CACNG4: variants seen among roughly 807,000 people sequenced by gnomAD.
CACNG4 encodes voltage-dependent calcium channel gamma-4 subunit.
CACNG4 carries 8 observed loss-of-function variants against 22.9 expected under a neutral mutation model. That is an observed-to-expected ratio of 0.35 (90% CI 0.21 to 0.63). The LOEUF is 0.63. Ranked by LOEUF, CACNG4 falls within the 30% of genes least tolerant of loss-of-function variation. The probability of loss-of-function intolerance (pLI) is 0.72; values close to 1 mark genes in which losing one functional copy is unlikely to be tolerated. For missense variants in CACNG4, 357 were observed against 455.4 expected (o/e 0.78, Z 1.97); for synonymous variants, 188 against 191.9 (o/e 0.98, Z 0.17).
intron 1 of CACNG4, among the ~76,000 whole-genome samples, chr17:67,001,967 A>G (rs1181488620): frequency 6.6e-6 from 1 of 152,216 alleles, no homozygotes; most frequent in Non-Finnish European, 1.5e-5. Context: ...GCGGCTCCTC[A>G]CCAAGTGACC....
intron 1 of CACNG4, among the ~76,000 whole-genome samples, chr17:67,012,678 G>A (rs1034865770): frequency 6.6e-6 from 1 of 152,318 alleles, no homozygotes; most frequent in African/African-American, 2.4e-5. Context: ...GTGCGCGAGT[G>A]CAGAGTCGTT....
At chr17:67,009,052 T>C (rs1190364581) in intron 1 of CACNG4, among the ~76,000 whole-genome samples, 2 of 151,956 alleles carry the variant, frequency 1.3e-5, no homozygotes, top group Non-Finnish European at 2.9e-5. Flanking sequence ...ACAGAGAGAA[T>C]ATGATATGAA....
intron 1 of CACNG4, among the ~76,000 whole-genome samples, chr17:66,982,146 G>A (rs372497419): frequency 2.0e-5 from 3 of 152,336 alleles, no homozygotes; most frequent in East Asian, 1.9e-4. Context: ...TTACTGTGAA[G>A]AGTGAAAGAA....
chr17:67,020,195 C>T (rs1222956807), intron 2 of CACNG4: 1 of 152,362 alleles, frequency 6.6e-6, no homozygotes, highest in Non-Finnish European at 1.5e-5. Context: ...CGAGACCCTT[C>T]TCCAAAAGCC....
chr17:67,029,558 C>G (rs35666945), intron 3 of CACNG4, among the ~76,000 whole-genome samples: 1 of 151,390 alleles, frequency 6.6e-6, no homozygotes, highest in East Asian at 2.0e-4. Context: ...TGCTTGAACC[C>G]GGGAGGCGGA....
chr17:66,992,871 C>A (rs2035349644), intron 1 of CACNG4, among the ~76,000 whole-genome samples: 1 of 152,234 alleles, frequency 6.6e-6, no homozygotes, highest in Non-Finnish European at 1.5e-5. Flanking sequence ...CTTCAGGACC[C>A]AACAGAATCT....
At chr17:66,990,507 A>G (rs1441984978) in intron 1 of CACNG4, among the ~76,000 whole-genome samples, 1 of 152,264 alleles carries the variant, frequency 6.6e-6, no homozygotes, top group African/African-American at 2.4e-5. Context: ...AACTCTGCCT[A>G]CCACAGATGG....
Position 67,032,117 on chromosome 17 carries a change from T to C in CACNG4, c.*1113T>C, listed in dbSNP as rs1379470864. On this transcript the variant is annotated 3_prime_UTR_variant, in exon 4 of 4. Transcript: ENST00000262138. The stretch of plus-strand genomic sequence containing the variant: ...GCAACTGGCCCCACAACTCCTGTCA[T>C]TGTAAGTTATTCTGCCACCACCTAA... 7.6e-6 allele frequency: 3 copies of C among 396,378 alleles called. No individual in the cohort carries two copies. Among genetic ancestry groups the C allele is most frequent in the Non-Finnish European group, 1.5e-5 (3 of 200,042 alleles). The allele number at this position is 396,378 out of a possible 1,614,324, so 24.6% of individuals were successfully genotyped here.
chr17:66,993,920 A>G (rs2035357417), intron 1 of CACNG4, among the ~76,000 whole-genome samples: 1 of 152,194 alleles, frequency 6.6e-6, no homozygotes, highest in Non-Finnish European at 1.5e-5. Flanking sequence ...CACCCGGCCA[A>G]TGAGATTCTT....
At position 67,032,046 on chromosome 17, in the gene CACNG4, G is replaced by C. The variant is rs1026988632; in HGVS notation, c.*1042G>C. 2 of 445,836 alleles carry C rather than the reference G, an allele frequency of 4.5e-6. No homozygotes were observed. Among genetic ancestry groups the C allele is most frequent in the South Asian group, 3.2e-5 (2 of 62,268 alleles). 27.6% of individuals were successfully genotyped at this position (445,836 alleles called of 1,614,324 possible). On this transcript the variant is annotated 3_prime_UTR_variant, in exon 4 of 4. Coordinates refer to ENST00000262138, the MANE Select transcript of CACNG4 (RefSeq NM_014405.4). ...AAATCATAACTTCCTGCAAATCAACGCCAGGAGAGCAACTTACCTTCATTT... is the reference window on the plus strand; with the variant it reads ...AAATCATAACTTCCTGCAAATCAACCCCAGGAGAGCAACTTACCTTCATTT...
At chr17:67,013,540 C>A (rs2035479562) in intron 1 of CACNG4, among the ~76,000 whole-genome samples, 1 of 152,120 alleles carries the variant, frequency 6.6e-6, no homozygotes, top group Non-Finnish European at 1.5e-5. Flanking sequence ...TGTGATGGCT[C>A]ACACCCGTAA....
At chr17:67,008,145 C>T (rs1230662069) in intron 1 of CACNG4, among the ~76,000 whole-genome samples, 2 of 152,198 alleles carry the variant, frequency 1.3e-5, no homozygotes, top group Non-Finnish European at 2.9e-5. Flanking sequence ...AATGTAAGTT[C>T]AATGAAGGAA....
Position 66,973,474 on chromosome 17 carries a change from A to T in CACNG4, c.220+8343A>T, listed in dbSNP as rs569173716. 3.9e-5 allele frequency among the ~76,000 whole-genome samples: 6 copies of T among 152,340 alleles called. No individual in the cohort carries two copies. In the East Asian group the frequency reaches 9.6e-4, roughly 24 times the overall value. ...ACAGGTGAGGCAGAGTGACTTACGCAAGGTGGCATGGCTCAGGAGCAGAAA... is the reference window on the plus strand; with the variant it reads ...ACAGGTGAGGCAGAGTGACTTACGCTAGGTGGCATGGCTCAGGAGCAGAAA... On this transcript the variant is annotated intron_variant, in intron 1 of 3. Transcript: ENST00000262138.
chr17:66,969,421 G>T (rs1198075020), intron 1 of CACNG4, among the ~76,000 whole-genome samples: 1 of 152,222 alleles, frequency 6.6e-6, no homozygotes, highest in Non-Finnish European at 1.5e-5. Context: ...CAGACTTGAT[G>T]CCAGGGGTGG....
rs186084632 is a variant in CACNG4 at position 66,989,792 on chromosome 17, C to A, written c.220+24661C>A. On this transcript the variant is annotated intron_variant, in intron 1 of 3. Coordinates refer to ENST00000262138, the MANE Select transcript of CACNG4 (RefSeq NM_014405.4). ...ACATGTATGTGTCACCTCCCTGAAC[C>A]GCCCACCAACCTCCCAATGTGGGTA... is the stretch of plus-strand genomic sequence containing the variant. Among the ~76,000 whole-genome samples, 430 of 151,364 alleles carry A rather than the reference C, an allele frequency of 2.8e-3. 19 individuals carry two copies. The highest frequency in any genetic ancestry group is 9.9e-3 in the African/African-American group (406 of 40,842).
At chr17:67,009,215 C>T (rs1239870496) in intron 1 of CACNG4, among the ~76,000 whole-genome samples, 1 of 152,142 alleles carries the variant, frequency 6.6e-6, no homozygotes, top group Non-Finnish European at 1.5e-5. Context: ...CTTGGGACTT[C>T]AAGCCTGCAG....
intron 1 of CACNG4, among the ~76,000 whole-genome samples, chr17:67,016,705 G>A (rs555881926): frequency 2.6e-5 from 4 of 152,170 alleles, no homozygotes; most frequent in Non-Finnish European, 5.9e-5. Context: ...CAGGAGCAGG[G>A]GGGCTGACCC....
intron 1 of CACNG4, among the ~76,000 whole-genome samples, chr17:66,983,689 T>C (rs1412460000): frequency 6.6e-6 from 1 of 152,178 alleles, no homozygotes; most frequent in East Asian, 1.9e-4. Flanking sequence ...TGAAAATCAT[T>C]CTGCTCGAGA....
intron 1 of CACNG4, among the ~76,000 whole-genome samples, chr17:67,012,480 T>C (rs2035474060): frequency 6.6e-6 from 1 of 152,088 alleles, no homozygotes; most frequent in South Asian, 2.1e-4. Context: ...TGCAAGGATG[T>C]CCTGGGCTGA....
Sources: gnomAD v4.1 joint callset for allele counts (sites outside exome capture counted in the v4.1 genomes callset) on GRCh38, gnomAD v4.1.1 for gene constraint, MANE v1.5 for transcripts, NCBI Gene and HGNC (gene_info 2026-07-23, HGNC 2026-07-21) for gene names.